Variants in CDADC1 observed in about 807,000 individuals in gnomAD.
The protein encoded by CDADC1 is dCTP deaminase.
In CDADC1, 39 loss-of-function variants were observed where a neutral mutation model predicts 54.9. That is an observed-to-expected ratio of 0.71 (90% CI 0.55 to 0.93). CDADC1 has a LOEUF of 0.93. Ranked by LOEUF, CDADC1 falls within the 40% of genes least tolerant of loss-of-function variation. The probability of loss-of-function intolerance (pLI) is 0.00; values close to 1 mark genes in which losing one functional copy is unlikely to be tolerated. For synonymous variants in CDADC1, 186 were observed against 204.0 expected, an observed-to-expected ratio of 0.91 and a Z score of 0.75; for missense variants, 518 against 618.8, an observed-to-expected ratio of 0.84 and a Z score of 1.73.
chr13:49,265,977 C>T, intron 4 of CDADC1: 1 of 1,297,374 alleles, frequency 7.7e-7, no homozygotes, highest in Non-Finnish European at 1.0e-6. Context: ...AGGTGAAATG[C>T]AACCGGAGGA....
chr13:49,265,904 T>C (rs1240444460), intron 4 of CDADC1: 3 of 1,303,216 alleles, frequency 2.3e-6, no homozygotes, highest in Non-Finnish European at 3.0e-6. Flanking sequence ...CTAAGATGCC[T>C]AGATGAAAGG....
intron 3 of CDADC1, among the ~76,000 whole-genome samples, chr13:49,257,085 A>G (rs1026960709): frequency 6.6e-5 from 10 of 152,246 alleles, no homozygotes; most frequent in African/African-American, 2.4e-4. Context: ...TGGAAGTGCC[A>G]AAATGGAATG....
rs1953706964 is a variant in CDADC1, at chr13:49,291,587, T to G, written c.1472-97T>G. The G allele has an allele frequency of 2.8e-5, 29 of 1,053,076 alleles. No individual in the cohort carries two copies. The South Asian group carries it at 5.0e-4, about 18-fold the overall frequency. The allele number at this position is 1,053,076 out of a possible 1,614,324, so 65.2% of individuals were successfully genotyped here. A position where few individuals can be genotyped will look rare whatever the true frequency, so the allele number is the denominator to read the frequency against. On this transcript the variant is annotated intron_variant, in intron 9 of 9. Transcript: ENST00000251108. ...AAAATAAAGTGAAAGTTCCTTTAAC[T>G]TAAGCATTGTTTTGCTCTTACAACA... is the stretch of plus-strand genomic sequence containing the variant.
chr13:49,260,294 T>C (rs548281251), intron 4 of CDADC1, among the ~76,000 whole-genome samples: 4 of 152,214 alleles, frequency 2.6e-5, no homozygotes, highest in Non-Finnish European at 5.9e-5. Flanking sequence ...ATTTATCACC[T>C]GTATAATAGT....
intron 6 of CDADC1, among the ~76,000 whole-genome samples, chr13:49,277,383 A>C (rs1953177170): frequency 6.6e-6 from 1 of 152,122 alleles, no homozygotes; most frequent in African/African-American, 2.4e-5. Flanking sequence ...AGATGGGAGG[A>C]TGACTTGAGC....
At chr13:49,267,286 G>A (rs1334621220) in intron 4 of CDADC1, among the ~76,000 whole-genome samples, 1 of 152,170 alleles carries the variant, frequency 6.6e-6, no homozygotes, top group African/African-American at 2.4e-5. Flanking sequence ...CTTAACCTGT[G>A]AGCTGTACAA....
At chr13:49,264,312 A>G (rs927111945) in intron 4 of CDADC1, among the ~76,000 whole-genome samples, 2 of 152,238 alleles carry the variant, frequency 1.3e-5, no homozygotes, top group Non-Finnish European at 2.9e-5. Flanking sequence ...TTTAATTTCT[A>G]TTACACACTC....
At chr13:49,270,221 G>A (rs767062740) in intron 5 of CDADC1, among the ~76,000 whole-genome samples, 7 of 152,004 alleles carry the variant, frequency 4.6e-5, no homozygotes, top group African/African-American at 1.4e-4. Flanking sequence ...GAATTTTTCC[G>A]ATTTTATTTT....
At chr13:49,273,680 G>C (rs996984007) in intron 5 of CDADC1, among the ~76,000 whole-genome samples, 5 of 152,082 alleles carry the variant, frequency 3.3e-5, no homozygotes, top group African/African-American at 1.2e-4. Flanking sequence ...GTAAACTGAA[G>C]GTCAAAGAAA....
At chr13:49,283,465 C>T (rs1378746384) in intron 8 of CDADC1, among the ~76,000 whole-genome samples, 2 of 152,136 alleles carry the variant, frequency 1.3e-5, no homozygotes, top group Non-Finnish European at 2.9e-5. Context: ...TCTGTCTCTT[C>T]ATTCCTCCTG....
chr13:49,292,798 G>GCCCA lies in CDADC1; in HGVS notation c.*1041_*1042insCCCA. 1 of 1,279,848 alleles carries GCCCA rather than the reference G, an allele frequency of 7.8e-7. No individual in the cohort carries two copies. The highest frequency in any genetic ancestry group is 1.3e-5 in the South Asian group (1 of 79,312). 79.3% of individuals were successfully genotyped at this position (1,279,848 alleles called of 1,614,324 possible). A position where few individuals can be genotyped will look rare whatever the true frequency, so the allele number is the denominator to read the frequency against. Reference sequence around the variant, plus strand: ...CCTAGGTTAGAGAGGGGTGGCCTGGGGTGCTTCATGAGAAATGTCTTCCTG... The same window carrying GCCCA: ...CCTAGGTTAGAGAGGGGTGGCCTGGGCCCAGTGCTTCATGAGAAATGTCTTCCTG... On this transcript the variant is annotated 3_prime_UTR_variant, in exon 10 of 10. Coordinates refer to ENST00000251108, the MANE Select transcript of CDADC1 (RefSeq NM_030911.4).
At chr13:49,260,974 G>A (rs6561511) in intron 4 of CDADC1, among the ~76,000 whole-genome samples, 93,113 of 151,968 alleles carry the variant, frequency 0.61, 29,730 homozygotes, top group South Asian at 0.76. Context: ...CTGGTCAGGG[G>A]GAACAGTGTA....
chr13:49,259,825 T>C (rs1952631790), intron 4 of CDADC1, among the ~76,000 whole-genome samples: 2 of 151,490 alleles, frequency 1.3e-5, no homozygotes, highest in Admixed American at 1.3e-4. Flanking sequence ...CTAAGCTGGG[T>C]GACAGAACAA....
At chr13:49,281,873 A>G (rs1258250677) in intron 8 of CDADC1, among the ~76,000 whole-genome samples, 2 of 151,104 alleles carry the variant, frequency 1.3e-5, no homozygotes, top group Non-Finnish European at 3.0e-5. Flanking sequence ...GCTCACTGCA[A>G]ACTCAGCCTC....
intron 6 of CDADC1, among the ~76,000 whole-genome samples, chr13:49,275,800 C>T (rs1953115987): frequency 8.2e-6 from 1 of 122,602 alleles, no homozygotes; most frequent in Non-Finnish European, 1.6e-5. Context: ...GAGAGAGTCT[C>T]ACTCTGTTGC....
At chr13:49,251,674 C>T (rs981822036) in intron 2 of CDADC1, among the ~76,000 whole-genome samples, 1 of 151,826 alleles carries the variant, frequency 6.6e-6, no homozygotes, top group Admixed American at 6.6e-5. Flanking sequence ...TAATACACAC[C>T]CTACTGTTTC....
At chr13:49,249,750 TGTATA>T (rs1299972954) in intron 2 of CDADC1, among the ~76,000 whole-genome samples, 4 of 151,670 alleles carry the variant, frequency 2.6e-5, no homozygotes, top group African/African-American at 9.7e-5. Context: ...AAATCAGAAA[TGTATA>T]GTAAGAATAA....
intron 6 of CDADC1, among the ~76,000 whole-genome samples, chr13:49,275,714 TATATATATATATAGAG>T (rs1953095958): frequency 2.6e-5 from 2 of 76,844 alleles, no homozygotes; most frequent in Non-Finnish European, 2.3e-5. Flanking sequence ...TATATATATA[TATATATATATATAGAG>T]AGAGAGAGAG....
At chr13:49,275,718 TATATATATAGAG>T (rs1953100711) in intron 6 of CDADC1, among the ~76,000 whole-genome samples, 6 of 38,912 alleles carry the variant, frequency 1.5e-4, no homozygotes, top group Admixed American at 3.8e-4. Context: ...TATATATATA[TATATATATAGAG>T]AGAGAGAGAG....
Sources: allele counts gnomAD v4.1 joint callset (sites outside exome capture counted in the v4.1 genomes callset), GRCh38; gene constraint gnomAD v4.1.1; transcripts MANE v1.5; gene names NCBI Gene and HGNC (gene_info 2026-07-23, HGNC 2026-07-21).